FYTTD1: variants seen among roughly 807,000 people sequenced by gnomAD.
FYTTD1 encodes the protein forty-two-three domain containing 1.
A neutral mutation model predicts 40.9 loss-of-function variants in FYTTD1; 22 were observed. The ratio of observed to expected loss-of-function variants is 0.54; its 90% confidence interval spans 0.38 to 0.77. The LOEUF is 0.77. Ranked by LOEUF, FYTTD1 falls within the 30% of genes least tolerant of loss-of-function variation. The pLI, the probability that FYTTD1 is intolerant of heterozygous loss-of-function variation, is 0.00. For synonymous variants in FYTTD1, 140 were observed against 137.9 expected, an observed-to-expected ratio of 1.01 and a Z score of -0.10; for missense variants, 351 against 392.2, an observed-to-expected ratio of 0.90 and a Z score of 0.89.
At chr3:197,768,142 G>T (rs573519045) in intron 2 of FYTTD1, among the ~76,000 whole-genome samples, 1 of 152,084 alleles carries the variant, frequency 6.6e-6, no homozygotes, top group African/African-American at 2.4e-5. Flanking sequence ...CTACCATAAT[G>T]CACAGGTAAA....
chr3:197,751,861 A>C (rs1729067708), intron 1 of FYTTD1, among the ~76,000 whole-genome samples: 1 of 151,932 alleles, frequency 6.6e-6, no homozygotes, highest in South Asian at 2.1e-4. Context: ...CTAAGCATTA[A>C]ATTAAATTAA....
intron 4 of FYTTD1, among the ~76,000 whole-genome samples, chr3:197,771,457 G>A (rs1184312852): frequency 1.3e-5 from 2 of 151,904 alleles, no homozygotes; most frequent in Non-Finnish European, 1.5e-5. Flanking sequence ...CAGGAGTTAT[G>A]TGGCAAAACC....
chr3:197,764,864 G>A (rs1305889812), intron 2 of FYTTD1, among the ~76,000 whole-genome samples: 1 of 150,620 alleles, frequency 6.6e-6, no homozygotes, highest in Non-Finnish European at 1.5e-5. Context: ...TTTTTTTGGG[G>A]GGGGAGGATG....
chr3:197,749,827 C>A, upstream of FYTTD1: 1 of 497,362 alleles, frequency 2.0e-6, no homozygotes, highest in Non-Finnish European at 3.4e-6. Flanking sequence ...TGGCCCCGCC[C>A]CGCCCGCAGC....
intron 2 of FYTTD1, among the ~76,000 whole-genome samples, chr3:197,760,740 T>A (rs1170249232): frequency 6.6e-6 from 1 of 151,548 alleles, no homozygotes; most frequent in Non-Finnish European, 1.5e-5. Flanking sequence ...TGTTCTTCAG[T>A]GGTAGAATGT....
intron 2 of FYTTD1, among the ~76,000 whole-genome samples, chr3:197,761,937 G>T (rs572645253): frequency 6.6e-6 from 1 of 152,300 alleles, no homozygotes; most frequent in South Asian, 2.1e-4. Context: ...TCAAGGTCAG[G>T]ATGTCAGCAA....
rs541967493 is a variant in FYTTD1 at position 197,750,086 on chromosome 3, A to C, written c.103+12A>C. ...AGATATGTCTTTGGGTGAGGGGCCG[A>C]GTTGGACCGAGTTGGAGTGCGGGGG... On this transcript the variant is annotated intron_variant, in intron 1 of 8. Transcript: ENST00000241502. 6.5e-7 allele frequency: 1 copy of C among 1,543,738 alleles called. No homozygotes were observed. The highest frequency in any genetic ancestry group is 1.4e-5 in the African/African-American group (1 of 70,522).
Position 197,778,456 on chromosome 3 carries a change from G to A in FYTTD1, c.850G>A (p.Gly284Arg), listed in dbSNP as rs572091184. 2.4e-5 allele frequency: 39 copies of A among 1,596,500 alleles called. No individual in the cohort carries two copies. The highest frequency in any genetic ancestry group is 3.0e-5 in the Non-Finnish European group (35 of 1,171,642). The change falls in exon 8 of 9, where the codon GGA becomes AGA. Residue 284 changes from glycine (G) to arginine (R), a missense_variant. Transcript: ENST00000241502. ...VPLQFDINSVGKQTGMTLNER... is the reference protein window; with the variant it reads ...VPLQFDINSVRKQTGMTLNER... Reference sequence around the variant, plus strand: ...CCTGCAGTTTGACATAAACAGTGTCGGAAAACAGGTAAAAAAACGTTTTCT... The same window carrying A: ...CCTGCAGTTTGACATAAACAGTGTCAGAAAACAGGTAAAAAAACGTTTTCT...
At chr3:197,755,811 T>C (rs980437328) in intron 1 of FYTTD1, 1 of 1,551,068 alleles carries the variant, frequency 6.4e-7, no homozygotes, top group Admixed American at 2.0e-5. Flanking sequence ...CTTTAAAAAA[T>C]GGAGCCTTCT....
chr3:197,770,627 C>G (rs1171980484), intron 4 of FYTTD1, among the ~76,000 whole-genome samples: 1 of 152,100 alleles, frequency 6.6e-6, no homozygotes, highest in Non-Finnish European at 1.5e-5. Context: ...CTCCCTGGAG[C>G]CTTGGCCTGC....
At position 197,781,922 on chromosome 3, in the gene FYTTD1, A is replaced by G. The variant is rs371177123; in HGVS notation, c.*13A>G. On this transcript the variant is annotated 3_prime_UTR_variant, in exon 9 of 9. Transcript: ENST00000241502. ...CACCGTGGGATAGGTCCCATGTCAAAGGAACTTTTGAGTGATGACTCTGAG... is the reference window on the plus strand; with the variant it reads ...CACCGTGGGATAGGTCCCATGTCAAGGGAACTTTTGAGTGATGACTCTGAG... The G allele has an allele frequency of 6.5e-7, 1 of 1,538,408 alleles. No individual in the cohort carries two copies. Among genetic ancestry groups the G allele is most frequent in the African/African-American group, 1.4e-5 (1 of 73,534 alleles).
chr3:197,755,652 A>T lies in FYTTD1; in HGVS notation c.104-774A>T, dbSNP rs147510240. 0.06 allele frequency: 16,136 copies of T among 268,282 alleles called. 640 individuals are homozygous for T. Among genetic ancestry groups the T allele is most frequent in the Middle Eastern group, 0.097 (85 of 876 alleles). 16.6% of individuals were successfully genotyped at this position (268,282 alleles called of 1,614,324 possible). A position where few individuals can be genotyped will look rare whatever the true frequency, so the allele number is the denominator to read the frequency against. Reference sequence around the variant, plus strand: ...TATTTATTTATTTATTTATTTATTTATTTATTTGTATTTTTAGTAGAGACG... The same window carrying T: ...TATTTATTTATTTATTTATTTATTTTTTTATTTGTATTTTTAGTAGAGACG... On this transcript the variant is annotated intron_variant, in intron 1 of 8. Transcript: ENST00000241502.
intron 2 of FYTTD1, among the ~76,000 whole-genome samples, chr3:197,759,754 A>G (rs112944589): frequency 0.084 from 11,907 of 141,932 alleles, 828 homozygotes; most frequent in African/African-American, 0.2. Context: ...GTGGTAGAAC[A>G]TATAGAGTTG....
rs1396556504 is a variant in FYTTD1 at position 197,767,239 on chromosome 3, C to T, written c.236-1200C>T. Among the ~76,000 whole-genome samples, 7 of 151,932 alleles carry T rather than the reference C, an allele frequency of 4.6e-5. 1 individual carries two copies. The highest frequency in any genetic ancestry group is 1.0e-4 in the Non-Finnish European group (7 of 67,954). On this transcript the variant is annotated intron_variant, in intron 2 of 8. Transcript: ENST00000241502. ...ACTGCAAGCTCCGCCTCCCAGTTCA[C>T]GCCATTCTCCTGCCTCAGCCTCCCG... is the stretch of plus-strand genomic sequence containing the variant.
Position 197,781,891 on chromosome 3 carries a change from C to G in FYTTD1, c.939C>G (p.Arg313=), listed in dbSNP as rs752287762. 6.2e-7 allele frequency: 1 copy of G among 1,606,618 alleles called. No individual in the cohort carries two copies. Among genetic ancestry groups the G allele is most frequent in the Non-Finnish European group, 8.5e-7 (1 of 1,175,312 alleles). ...TCACATACAACAAAGGGGGAAGCCG[C>G]TTTGTCACCGTGGGATAGGTCCCAT... ...ATLTYNKGGS[R]FVTVG The change falls in exon 9 of 9, where the codon CGC becomes CGG. Residue 313 remains arginine, a synonymous_variant. Transcript: ENST00000241502.
intron 8 of FYTTD1, among the ~76,000 whole-genome samples, chr3:197,779,023 G>A (rs2109055254): frequency 6.6e-6 from 1 of 152,204 alleles, no homozygotes; most frequent in Admixed American, 6.5e-5. Context: ...CATCTATGAG[G>A]GTTCTGAATT....
rs1368469977 is a variant in FYTTD1, at chr3:197,785,200, A to AT, written c.*3292dup. 2.0e-5 allele frequency: 3 copies of AT among 152,254 alleles called. No individual in the cohort carries two copies. Among genetic ancestry groups the AT allele is most frequent in the Non-Finnish European group, 2.9e-5 (2 of 68,052 alleles). The allele number at this position is 152,254 out of a possible 1,614,324, so 9.4% of individuals were successfully genotyped here. A position where few individuals can be genotyped will look rare whatever the true frequency, so the allele number is the denominator to read the frequency against. ...AGATATGCATTTTTTAAAAACAGGCATAAACTCTTCACCACAATTTTAATT... is the reference window on the plus strand; with the variant it reads ...AGATATGCATTTTTTAAAAACAGGCATTAAACTCTTCACCACAATTTTAATT... On this transcript the variant is annotated 3_prime_UTR_variant, in exon 9 of 9. Transcript: ENST00000241502.
chr3:197,770,819 G>A (rs1729695324), intron 4 of FYTTD1, among the ~76,000 whole-genome samples: 1 of 152,200 alleles, frequency 6.6e-6, no homozygotes, highest in South Asian at 2.1e-4. Context: ...AAAGTGCTGG[G>A]ATTACGGGCA....
At chr3:197,781,724 C>A in intron 8 of FYTTD1, 87 bp from the exon 9 acceptor site, 1 of 850,348 alleles carries the variant, frequency 1.2e-6, no homozygotes, top group Non-Finnish European at 1.9e-6. Context: ...ATCATAAGAT[C>A]ACATTATTGT....
Sources: allele counts gnomAD v4.1 joint callset (sites outside exome capture counted in the v4.1 genomes callset), GRCh38; gene constraint gnomAD v4.1.1; transcripts MANE v1.5; gene names NCBI Gene and HGNC (gene_info 2026-07-23, HGNC 2026-07-21).